KIF21A: variants seen among roughly 807,000 people sequenced by gnomAD.
KIF21A encodes the protein kinesin-like protein KIF21A.
In KIF21A, 114 loss-of-function variants were observed where a neutral mutation model predicts 202.9. That is an observed-to-expected ratio of 0.56 (90% CI 0.48 to 0.66). The LOEUF (loss-of-function observed/expected upper bound fraction) is 0.66. KIF21A is among the 30% of genes least tolerant of loss of function. The pLI, the probability that KIF21A is intolerant of heterozygous loss-of-function variation, is 0.00. For synonymous variants in KIF21A, 667 were observed against 670.8 expected, an observed-to-expected ratio of 0.99 and a Z score of 0.09; for missense variants, 1,677 against 1,994.9, an observed-to-expected ratio of 0.84 and a Z score of 3.04.
chr12:39,410,632 C>T (rs1429066729), intron 1 of KIF21A, among the ~76,000 whole-genome samples: 1 of 152,126 alleles, frequency 6.6e-6, no homozygotes, highest in Non-Finnish European at 1.5e-5. Flanking sequence ...AACACACATT[C>T]TTTTCAAGCA....
At chr12:39,297,884 T>C (rs1391587188) in intron 37 of KIF21A, among the ~76,000 whole-genome samples, 2 of 149,276 alleles carry the variant, frequency 1.3e-5, no homozygotes, top group Non-Finnish European at 3.0e-5. Context: ...ATTATTATTA[T>C]TATTGATCAA....
chr12:39,393,936 G>A (rs1412121723), intron 1 of KIF21A, among the ~76,000 whole-genome samples: 1 of 152,070 alleles, frequency 6.6e-6, no homozygotes, highest in Non-Finnish European at 1.5e-5. Context: ...AGAAGTAGGC[G>A]GGCTTTTAAC....
At position 39,416,705 on chromosome 12, in the gene KIF21A, ATATATGTGTG is replaced by A. The variant is rs1460206555; in HGVS notation, c.44+26212_44+26221del. 5.3e-5 allele frequency among the ~76,000 whole-genome samples: 5 copies of A among 94,496 alleles called. 1 individual carries two copies. The highest frequency in any genetic ancestry group is 3.2e-4 in the African/African-American group (5 of 15,606). 62.0% of individuals were successfully genotyped at this position (94,496 alleles called of 152,430 possible). ...TATGTGTGTATATATATATGTACAT[ATATATGTGTG>A]TATATATGTACATATATATGTGTAT... is the stretch of plus-strand genomic sequence containing the variant. On this transcript the variant is annotated intron_variant, in intron 1 of 37. Coordinates refer to ENST00000361418, the MANE Select transcript of KIF21A (RefSeq NM_001173464.2).
chr12:39,426,196 A>G (rs1954732906), intron 1 of KIF21A, among the ~76,000 whole-genome samples: 2 of 152,246 alleles, frequency 1.3e-5, no homozygotes, highest in African/African-American at 4.8e-5. Flanking sequence ...TTAGAATTGG[A>G]ATATTTTAAG....
At chr12:39,368,667 T>C (rs997493893) in intron 3 of KIF21A, among the ~76,000 whole-genome samples, 1 of 152,172 alleles carries the variant, frequency 6.6e-6, no homozygotes, top group African/African-American at 2.4e-5. Context: ...CATCATTTAC[T>C]TTCCTTAGGA....
intron 37 of KIF21A, 72 bp from the exon 38 acceptor site, chr12:39,294,589 C>G: frequency 8.8e-7 from 1 of 1,135,862 alleles, no homozygotes; most frequent in Non-Finnish European, 1.3e-6. Context: ...CTTATAATTA[C>G]TTATCATGGA....
At chr12:39,343,066 A>T (rs1947576808) in intron 12 of KIF21A, among the ~76,000 whole-genome samples, 2 of 152,186 alleles carry the variant, frequency 1.3e-5, no homozygotes, top group South Asian at 4.1e-4. Flanking sequence ...GAATCTATAT[A>T]TGAACTATTT....
chr12:39,368,477 A>C (rs954474999), intron 3 of KIF21A, among the ~76,000 whole-genome samples: 4 of 152,174 alleles, frequency 2.6e-5, no homozygotes, highest in African/African-American at 9.6e-5. Flanking sequence ...GCATGTTTGC[A>C]AGGTCAGTAA....
intron 1 of KIF21A, among the ~76,000 whole-genome samples, chr12:39,424,011 A>C (rs1450587862): frequency 1.3e-5 from 2 of 150,112 alleles, no homozygotes; most frequent in African/African-American, 2.5e-5. Context: ...AAAAAAAAAA[A>C]AGGCAGTCAG....
At chr12:39,335,390 G>A (rs1007503510) in intron 17 of KIF21A, among the ~76,000 whole-genome samples, 1 of 120,444 alleles carries the variant, frequency 8.3e-6, no homozygotes, top group Admixed American at 1.0e-4. Flanking sequence ...CAGCCTGGGC[G>A]ACAAAGTAAG....
intron 25 of KIF21A, 70 bp from the exon 26 acceptor site, chr12:39,325,963 T>A: frequency 8.5e-7 from 1 of 1,178,858 alleles, no homozygotes; most frequent in Non-Finnish European, 1.2e-6. Context: ...AGCTCCTCTA[T>A]ATCAACGACT....
chr12:39,411,587 C>T (rs941765781), intron 1 of KIF21A, among the ~76,000 whole-genome samples: 1 of 152,164 alleles, frequency 6.6e-6, no homozygotes, highest in Non-Finnish European at 1.5e-5. Context: ...AGTGCAGTGG[C>T]GTGATCATGG....
intron 21 of KIF21A, 28 bp from the exon 22 acceptor site, chr12:39,331,819 C>T (rs1156464338): frequency 6.7e-7 from 1 of 1,498,920 alleles, no homozygotes; most frequent in South Asian, 1.1e-5. Context: ...AATATGATGA[C>T]CATTACTTTG....
At position 39,436,442 on chromosome 12, in the gene KIF21A, ATATATAT is replaced by A. The variant is rs201532552; in HGVS notation, c.44+6478_44+6484del. ...CTATATTATATATATATATATATAT[ATATATAT>A]TTTTTTTTTTTTTAGACAGGGTTTC... On this transcript the variant is annotated intron_variant, in intron 1 of 37. Transcript: ENST00000361418. Among the ~76,000 whole-genome samples, 13 of 118,122 alleles carry A rather than the reference ATATATAT, an allele frequency of 1.1e-4. 1 individual carries two copies. Among genetic ancestry groups the A allele is most frequent in the African/African-American group, 4.5e-4 (11 of 24,706 alleles). The allele number at this position is 118,122 out of a possible 152,430, so 77.5% of individuals were successfully genotyped here.
chr12:39,307,369 T>TA (rs964191828), intron 34 of KIF21A, among the ~76,000 whole-genome samples, 196 bp downstream of exon 34: 15 of 151,660 alleles, frequency 9.9e-5, no homozygotes, highest in Non-Finnish European at 1.5e-4. Flanking sequence ...CAACGGAGAT[T>TA]AAAAAAAAGA....
intron 1 of KIF21A, among the ~76,000 whole-genome samples, chr12:39,401,544 A>C (rs755685108): frequency 2.0e-5 from 3 of 152,236 alleles, no homozygotes; most frequent in Non-Finnish European, 4.4e-5. Context: ...TGTTATCAAC[A>C]ACAGTAAAGG....
chr12:39,442,190 CCTAATGTCAGT>C lies in KIF21A; in HGVS notation c.44+726_44+736del, dbSNP rs1034291081. ...TTACGATTACATTGTATCCACCCTG[CCTAATGTCAGT>C]ATGTTTCACACAGTCACCCATTTCA... On this transcript the variant is annotated intron_variant, in intron 1 of 37. Coordinates refer to ENST00000361418, the MANE Select transcript of KIF21A (RefSeq NM_001173464.2). The surrounding 1 kb of genome is among the most constrained non-coding windows in gnomAD (Gnocchi z 5.0). Among the ~76,000 whole-genome samples the C allele has an allele frequency of 6.6e-6, 1 of 152,138 alleles. No individual in the cohort carries two copies. Among genetic ancestry groups the C allele is most frequent in the African/African-American group, 2.4e-5 (1 of 41,430 alleles).
chr12:39,318,309 CCTT>C (rs1944805077), intron 28 of KIF21A, 108 bp from the exon 29 acceptor site: 2 of 983,370 alleles, frequency 2.0e-6, no homozygotes, highest in East Asian at 2.7e-5. Context: ...TTAGAGAACT[CCTT>C]CTTTCCTTTC....
intron 1 of KIF21A, among the ~76,000 whole-genome samples, chr12:39,439,635 T>C (rs1221324883): frequency 6.6e-6 from 1 of 152,200 alleles, no homozygotes; most frequent in Non-Finnish European, 1.5e-5. Flanking sequence ...TAAATTAAAT[T>C]AAAAATTTAG....
Sources: gnomAD v4.1 joint callset for allele counts (sites outside exome capture counted in the v4.1 genomes callset) on GRCh38, gnomAD v4.1.1 for gene constraint, Gnocchi (gnomAD v3.1) non-coding constraint, MANE v1.5 for transcripts, NCBI Gene and HGNC (gene_info 2026-07-23, HGNC 2026-07-21) for gene names.